ADGRF5: variants seen among roughly 807,000 people sequenced by gnomAD.
The protein encoded by ADGRF5 is G-protein coupled receptor 116.
Under a neutral mutation model 132.3 loss-of-function variants are expected in ADGRF5, and 75 were observed. That is an observed-to-expected ratio of 0.57 (90% CI 0.47 to 0.69). The LOEUF is 0.69. Ranked by LOEUF, ADGRF5 falls within the 30% of genes least tolerant of loss-of-function variation. The pLI is 0.00. For synonymous variants in ADGRF5, 629 were observed against 597.6 expected, an observed-to-expected ratio of 1.05 and a Z score of -0.77; for missense variants, 1,516 against 1,630.6, an observed-to-expected ratio of 0.93 and a Z score of 1.21.
chr6:46,859,253 C>A lies in ADGRF5; in HGVS notation c.2650G>T (p.Asp884Tyr). 1 of 1,614,068 alleles carries A rather than the reference C, an allele frequency of 6.2e-7. No homozygotes were observed. The highest frequency in any genetic ancestry group is 1.1e-5 in the South Asian group (1 of 91,048). ...YFDLWGNVVI[D>Y]KSYLENLQSD... ...TGCAAGTTTTCTAGATAGCTCTTGT[C>A]AATGACCACATTGCCCCAGAGGTCA... is the stretch of plus-strand genomic sequence containing the variant. Residue 884 changes from aspartate to tyrosine, a missense_variant, in exon 17 of 21, where the codon GAC (aspartate) becomes TAC (tyrosine). Asp to Tyr is a radical substitution (Grantham distance 160, BLOSUM62 -3). This residue lies in a region of ADGRF5 where 571 missense variants were observed against 701.2 expected (regional missense o/e 0.81). Transcript: ENST00000283296.
intron 1 of ADGRF5, among the ~76,000 whole-genome samples, chr6:46,942,038 G>C (rs1377553432): frequency 6.6e-6 from 1 of 152,014 alleles, no homozygotes; most frequent in Non-Finnish European, 1.5e-5. Context: ...TTACCTTTCT[G>C]AACATCCTTA....
At chr6:46,895,459 G>C (rs1774080402) in intron 3 of ADGRF5, among the ~76,000 whole-genome samples, 1 of 151,564 alleles carries the variant, frequency 6.6e-6, no homozygotes. Context: ...CTCAACCTGG[G>C]AAGTGCACGG....
chr6:46,877,263 CTT>C (rs1562174161), intron 10 of ADGRF5, among the ~76,000 whole-genome samples: 13 of 38,268 alleles, frequency 3.4e-4, no homozygotes, highest in East Asian at 2.2e-3. Context: ...TTCTTTCTTT[CTT>C]TCTTTCTTTC....
chr6:46,871,620 T>C (rs220679), intron 11 of ADGRF5, among the ~76,000 whole-genome samples: 4 of 152,038 alleles, frequency 2.6e-5, no homozygotes, highest in Non-Finnish European at 4.4e-5. Flanking sequence ...TGGGAACCAC[T>C]GTGTCCTACC....
intron 1 of ADGRF5, among the ~76,000 whole-genome samples, chr6:46,921,345 T>C (rs1776923387): frequency 6.6e-6 from 1 of 152,194 alleles, no homozygotes; most frequent in Admixed American, 6.5e-5. Context: ...GAAATGCTCT[T>C]GGCAAGAGCA....
At chr6:46,899,665 T>G (rs78155916) in intron 3 of ADGRF5, among the ~76,000 whole-genome samples, 51,501 of 151,220 alleles carry the variant, frequency 0.34, 10,680 homozygotes, top group East Asian at 0.47. Context: ...AGTTTTTTTT[T>G]TTGTTTGTTT....
chr6:46,861,704 A>G (rs541506317), intron 15 of ADGRF5, among the ~76,000 whole-genome samples: 1 of 152,352 alleles, frequency 6.6e-6, no homozygotes, highest in South Asian at 2.1e-4. Context: ...CTAACATAGT[A>G]CAAGTCATAT....
intron 1 of ADGRF5, among the ~76,000 whole-genome samples, chr6:46,915,288 T>TTAATAATAATAATAATAA (rs76660188): frequency 0.022 from 3,276 of 149,546 alleles, 140 homozygotes; most frequent in African/African-American, 0.075. Flanking sequence ...CTTGACTATT[T>TTAATAATAATAATAATAA]TAATAATAAT....
intron 1 of ADGRF5, among the ~76,000 whole-genome samples, chr6:46,913,265 A>C (rs1214942393): frequency 6.6e-6 from 1 of 152,124 alleles, no homozygotes; most frequent in African/African-American, 2.4e-5. Flanking sequence ...TGGAAGGCCA[A>C]GGGGGGCGGA....
At chr6:46,952,108 C>G (rs1778522656) in intron 1 of ADGRF5, among the ~76,000 whole-genome samples, 1 of 152,130 alleles carries the variant, frequency 6.6e-6, no homozygotes. Context: ...TGGACCCACC[C>G]AAGGGTCACA....
At chr6:46,947,852 C>T (rs1778357614) in intron 1 of ADGRF5, among the ~76,000 whole-genome samples, 1 of 152,196 alleles carries the variant, frequency 6.6e-6, no homozygotes, top group Admixed American at 6.5e-5. Context: ...CATCCACCTG[C>T]CAGCAGAGGC....
Position 46,858,845 on chromosome 6 carries a change from C to A in ADGRF5, c.3058G>T (p.Val1020Leu). The change falls in exon 17 of 21, where the codon GTG becomes TTG. Residue 1020 changes from valine (V) to leucine (L), a missense_variant. Coordinates refer to ENST00000283296, the MANE Select transcript of ADGRF5 (RefSeq NM_001098518.2). ...GCCAAGCTCAAGATGGAAAAGCCCACCCCAACATAAGAAATAATATCCAGG... is the reference window on the plus strand; with the variant it reads ...GCCAAGCTCAAGATGGAAAAGCCCAACCCAACATAAGAAATAATATCCAGG... ...ILLDIISYVGVGFSILSLAAC... is the reference protein window; with the variant it reads ...ILLDIISYVGLGFSILSLAAC... 6.2e-7 allele frequency: 1 copy of A among 1,614,072 alleles called. No individual in the cohort carries two copies. The highest frequency in any genetic ancestry group is 8.5e-7 in the Non-Finnish European group (1 of 1,179,934).
At chr6:46,953,687 A>ATATATATATCTATC (rs1184260500) in intron 1 of ADGRF5, among the ~76,000 whole-genome samples, 2 of 130,274 alleles carry the variant, frequency 1.5e-5, no homozygotes, top group Non-Finnish European at 3.3e-5. Context: ...ATATATATAT[A>ATATATATATCTATC]TATCTCACTG....
intron 1 of ADGRF5, among the ~76,000 whole-genome samples, chr6:46,941,676 T>C (rs1217164102): frequency 6.6e-6 from 1 of 151,800 alleles, no homozygotes; most frequent in African/African-American, 2.4e-5. Flanking sequence ...ATTGTGGTTC[T>C]CACTTTGAGA....
At position 46,883,774 on chromosome 6, in the gene ADGRF5, C is replaced by G. The variant is rs145605310; in HGVS notation, c.506-109G>C. On this transcript the variant is annotated intron_variant, in intron 5 of 20. Coordinates refer to ENST00000283296, the MANE Select transcript of ADGRF5 (RefSeq NM_001098518.2). The stretch of plus-strand genomic sequence containing the variant: ...TTTGTTTGTTTCAGATGGAGTCTCC[C>G]TCTGTCTCCCAGGCTGGAGTGCAAC... 1.4e-3 allele frequency: 876 copies of G among 645,842 alleles called. 5 individuals carry two copies. In the African/African-American group the frequency reaches 0.014, roughly 11 times the overall value. 40.0% of individuals were successfully genotyped at this position (645,842 alleles called of 1,614,324 possible).
chr6:46,883,905 C>A (rs1772771400), intron 5 of ADGRF5, among the ~76,000 whole-genome samples, 190 bp downstream of exon 5: 1 of 152,134 alleles, frequency 6.6e-6, no homozygotes, highest in African/African-American at 2.4e-5. Context: ...CCACATCCAG[C>A]TAATTTTTGC....
chr6:46,944,210 A>G lies in ADGRF5; in HGVS notation c.-25+10524T>C, dbSNP rs528770244. Among the ~76,000 whole-genome samples, 4 of 152,348 alleles carry G rather than the reference A, an allele frequency of 2.6e-5. No individual in the cohort carries two copies. In the South Asian group the frequency reaches 8.3e-4, roughly 32 times the overall value. On this transcript the variant is annotated intron_variant, in intron 1 of 20. Transcript: ENST00000265417. ...TCAGGATAAAACCGTTCAGATCATC[A>G]GCCATTAGATTCTCATAAGGAGCAT...
At chr6:46,888,212 TC>T in intron 4 of ADGRF5, 122 bp downstream of exon 4, 1 of 673,864 alleles carries the variant, frequency 1.5e-6, no homozygotes, top group Non-Finnish European at 2.6e-6. Flanking sequence ...GAATCACACA[TC>T]CGTCTCGGTG....
chr6:46,907,413 C>A (rs148316794), intron 1 of ADGRF5, among the ~76,000 whole-genome samples: 2,606 of 151,736 alleles, frequency 0.017, 80 homozygotes, highest in African/African-American at 0.06. Flanking sequence ...CTCTATTGCC[C>A]AGGCTGGTCT....
Sources: gnomAD v4.1 joint callset for allele counts (sites outside exome capture counted in the v4.1 genomes callset) on GRCh38, gnomAD v4.1.1 for gene constraint, gnomAD v4.1.1 regional missense constraint, MANE v1.5 for transcripts, NCBI Gene and HGNC (gene_info 2026-07-23, HGNC 2026-07-21) for gene names.